The following SAMD5 variants were observed in gnomAD, a reference collection of about 807,000 sequenced individuals.
SAMD5 encodes sterile alpha motif domain containing 5.
Under a neutral mutation model 11.3 loss-of-function variants are expected in SAMD5, and 13 were observed. The observed-to-expected ratio is 1.15, with a 90% confidence interval of 0.75 to 1.83. The LOEUF (loss-of-function observed/expected upper bound fraction) is 1.83, where lower values mean the gene tolerates loss of function less well. Among genes scored for constraint, SAMD5 ranks in the 40% most tolerant of loss-of-function variants. The probability of loss-of-function intolerance (pLI) is 0.00; values close to 1 mark genes in which losing one functional copy is unlikely to be tolerated. For synonymous variants in SAMD5, 129 were observed against 111.3 expected, an observed-to-expected ratio of 1.16 and a Z score of -1.00; for missense variants, 255 against 239.1, an observed-to-expected ratio of 1.07 and a Z score of -0.44.
chr6:147,821,458 C>T, the SAMD5 span, among the ~76,000 whole-genome samples: 1 of 152,206 alleles, frequency 6.6e-6, no homozygotes, highest in Admixed American at 6.5e-5. Context: ...GACCAGCAAC[C>T]TGACAGTCAC....
intron 1 of SAMD5, among the ~76,000 whole-genome samples, chr6:147,707,557 C>CTGCT (rs1201325008): frequency 6.6e-6 from 1 of 152,154 alleles, no homozygotes; most frequent in African/African-American, 2.4e-5. Flanking sequence ...CCTCCCAGCC[C>CTGCT]TGCTTATCTC....
chr6:147,644,903 T>C (rs2128452746), intron 1 of SAMD5, among the ~76,000 whole-genome samples: 1 of 152,324 alleles, frequency 6.6e-6, no homozygotes, highest in South Asian at 2.1e-4. Flanking sequence ...AGTGTCAGAA[T>C]TAGAGTTCAC....
the SAMD5 span, among the ~76,000 whole-genome samples, chr6:147,867,174 A>G: frequency 6.6e-6 from 1 of 151,748 alleles, no homozygotes; most frequent in Non-Finnish European, 1.5e-5. Context: ...CCCTGTATAT[A>G]TGATATGTCT....
intron 1 of SAMD5, among the ~76,000 whole-genome samples, chr6:147,641,012 A>G (rs1395658287): frequency 6.6e-6 from 1 of 152,246 alleles, no homozygotes; most frequent in Non-Finnish European, 1.5e-5. Flanking sequence ...CATAATAGTA[A>G]GTTTGATTCC....
intron 1 of SAMD5, among the ~76,000 whole-genome samples, chr6:147,650,124 C>G (rs1251360705): frequency 2.0e-5 from 3 of 152,172 alleles, no homozygotes; most frequent in Non-Finnish European, 4.4e-5. Flanking sequence ...CTTTACCATA[C>G]ACGAAGTTAT....
chr6:147,744,349 C>T, the SAMD5 span, among the ~76,000 whole-genome samples: 3 of 152,010 alleles, frequency 2.0e-5, no homozygotes, highest in Admixed American at 1.3e-4. Context: ...ACATACTTAT[C>T]TAAGTAAAAT....
intron 1 of SAMD5, among the ~76,000 whole-genome samples, chr6:147,639,570 C>G (rs141567242): frequency 6.6e-6 from 1 of 152,292 alleles, no homozygotes; most frequent in East Asian, 1.9e-4. Flanking sequence ...TCCATCCTCC[C>G]CTGTCCCAGC....
the SAMD5 span, among the ~76,000 whole-genome samples, chr6:147,800,136 A>G: frequency 6.6e-6 from 1 of 152,272 alleles, no homozygotes; most frequent in East Asian, 1.9e-4. Context: ...TTGGAGGAGG[A>G]GAGGCACTCT....
chr6:147,748,343 C>T, the SAMD5 span, among the ~76,000 whole-genome samples: 1 of 152,216 alleles, frequency 6.6e-6, no homozygotes, highest in African/African-American at 2.4e-5. Flanking sequence ...AACCAGTTAT[C>T]TGACCTTGGG....
At chr6:147,561,628 T>A (rs1391745003) in intron 1 of SAMD5, among the ~76,000 whole-genome samples, 1 of 152,108 alleles carries the variant, frequency 6.6e-6, no homozygotes, top group African/African-American at 2.4e-5. Flanking sequence ...GCTTTTATTT[T>A]CTTCATAGGG....
intron 1 of SAMD5, among the ~76,000 whole-genome samples, chr6:147,675,516 G>A (rs1483388776): frequency 6.6e-6 from 1 of 152,200 alleles, no homozygotes; most frequent in South Asian, 2.1e-4. Flanking sequence ...CATTAGGGAT[G>A]AATGTTTCTT....
intron 1 of SAMD5, among the ~76,000 whole-genome samples, chr6:147,709,417 A>C (rs1791367566): frequency 6.6e-6 from 1 of 152,226 alleles, no homozygotes; most frequent in African/African-American, 2.4e-5. Context: ...TATTTTGTGA[A>C]CTATTCTCCC....
the SAMD5 span, among the ~76,000 whole-genome samples, chr6:147,939,810 ATTTTT>A: frequency 1.2e-4 from 18 of 147,132 alleles, no homozygotes; most frequent in East Asian, 1.8e-3. Context: ...ATACCCCAGC[ATTTTT>A]TTTTTTTTAA....
At chr6:147,886,209 T>C in the SAMD5 span, among the ~76,000 whole-genome samples, 1 of 152,144 alleles carries the variant, frequency 6.6e-6, no homozygotes, top group Non-Finnish European at 1.5e-5. Context: ...AAAAATTCAA[T>C]CTATACACTC....
At chr6:147,509,745 GA>G (rs1230138136) in intron 1 of SAMD5, among the ~76,000 whole-genome samples, 4 of 152,096 alleles carry the variant, frequency 2.6e-5, no homozygotes, top group African/African-American at 9.7e-5. Flanking sequence ...AAGAGTACCA[GA>G]AAAAATGGTT....
At chr6:147,767,623 A>C in the SAMD5 span, among the ~76,000 whole-genome samples, 125 of 152,308 alleles carry the variant, frequency 8.2e-4, no homozygotes, top group African/African-American at 2.9e-3. Context: ...CTCTCTCTCC[A>C]TCATGTGAGG....
the SAMD5 span, among the ~76,000 whole-genome samples, chr6:147,868,905 T>C: frequency 2.6e-5 from 4 of 152,144 alleles, no homozygotes; most frequent in Admixed American, 1.3e-4. Flanking sequence ...ACCAAAGACA[T>C]GACCAAAAAT....
At chr6:147,842,206 TTTTC>T in the SAMD5 span, among the ~76,000 whole-genome samples, 1 of 152,140 alleles carries the variant, frequency 6.6e-6, no homozygotes, top group African/African-American at 2.4e-5. Context: ...GACTCAGTTA[TTTTC>T]TCAGTGGTCT....
At chr6:147,806,473 T>A in the SAMD5 span, among the ~76,000 whole-genome samples, 1 of 152,136 alleles carries the variant, frequency 6.6e-6, no homozygotes, top group Non-Finnish European at 1.5e-5. Context: ...CTGTTTTGAG[T>A]CATTGCCACG....
Sources: allele counts gnomAD v4.1 joint callset (sites outside exome capture counted in the v4.1 genomes callset), GRCh38; gene constraint gnomAD v4.1.1; transcripts MANE v1.5; gene names NCBI Gene and HGNC (gene_info 2026-07-23, HGNC 2026-07-21).